Variants in ADAMTS12 observed in about 807,000 individuals in gnomAD.
ADAMTS12 encodes A disintegrin and metalloproteinase with thrombospondin motifs 12.
In ADAMTS12, 118 loss-of-function variants were observed where a neutral mutation model predicts 167.8. That is an observed-to-expected ratio of 0.70 (90% CI 0.61 to 0.82). The LOEUF (loss-of-function observed/expected upper bound fraction) is 0.82, where lower values mean the gene tolerates loss of function less well. Ranked by LOEUF, ADAMTS12 falls within the 40% of genes least tolerant of loss-of-function variation. ADAMTS12 has a pLI of 0.00. For missense variants in ADAMTS12, 1,916 were observed against 1,998.8 expected, an observed-to-expected ratio of 0.96 and a Z score of 0.79; for synonymous variants, 704 against 716.9, an observed-to-expected ratio of 0.98 and a Z score of 0.29.
chr5:33,705,004 G>C (rs971425707), intron 3 of ADAMTS12, among the ~76,000 whole-genome samples: 3 of 151,526 alleles, frequency 2.0e-5, no homozygotes, highest in Non-Finnish European at 4.4e-5. Context: ...TGTGAGGTAA[G>C]GGTTCAATTT....
intron 3 of ADAMTS12, among the ~76,000 whole-genome samples, chr5:33,718,456 C>T (rs534834069): frequency 1.3e-5 from 2 of 152,142 alleles, no homozygotes; most frequent in African/African-American, 2.4e-5. Flanking sequence ...GGAATGTGAA[C>T]CCTATTCTGC....
intron 11 of ADAMTS12, among the ~76,000 whole-genome samples, chr5:33,639,487 T>C (rs752489711): frequency 6.6e-6 from 1 of 152,214 alleles, no homozygotes; most frequent in Non-Finnish European, 1.5e-5. Context: ...CGGAAGGGCT[T>C]GTCCTGGAGA....
chr5:33,849,757 T>C (rs1019091580), intron 2 of ADAMTS12, among the ~76,000 whole-genome samples: 12 of 149,892 alleles, frequency 8.0e-5, no homozygotes, highest in African/African-American at 2.9e-4. Flanking sequence ...ATATATAGTA[T>C]CTATATATGT....
chr5:33,858,840 TG>T (rs531719550), intron 2 of ADAMTS12, among the ~76,000 whole-genome samples: 287 of 151,754 alleles, frequency 1.9e-3, no homozygotes, highest in African/African-American at 6.7e-3. Flanking sequence ...GGTTAAACAG[TG>T]AGTGCAGCCC....
chr5:33,528,079 C>T (rs1370340497), intron 23 of ADAMTS12, among the ~76,000 whole-genome samples: 3 of 146,676 alleles, frequency 2.0e-5, no homozygotes, highest in Non-Finnish European at 3.0e-5. Flanking sequence ...AAATATTACT[C>T]AACCAGAAAA....
At chr5:33,801,143 G>A (rs890133485) in intron 2 of ADAMTS12, among the ~76,000 whole-genome samples, 2 of 152,188 alleles carry the variant, frequency 1.3e-5, no homozygotes, top group African/African-American at 4.8e-5. Flanking sequence ...TCCAGAGGGA[G>A]TGCAGTCTTG....
intron 3 of ADAMTS12, among the ~76,000 whole-genome samples, chr5:33,740,355 G>T (rs532406780): frequency 6.6e-6 from 1 of 152,124 alleles, no homozygotes; most frequent in African/African-American, 2.4e-5. Context: ...CTAATCCCGG[G>T]GCCAGCTACA....
At position 33,576,638 on chromosome 5, in the gene ADAMTS12, A is replaced by G. The variant is rs1260831754; in HGVS notation, c.3388T>C (p.Ser1130Pro). 22 of 1,614,226 alleles carry G rather than the reference A, an allele frequency of 1.4e-5. No individual in the cohort carries two copies. The highest frequency in any genetic ancestry group is 1.9e-5 in the Non-Finnish European group (22 of 1,180,038). ...VATTTSGSGL[S>P]SSRNPITWPV... ...CAAGTGATAGGGTTGCGGGAAGATG[A>G]CAAGCCAGAACCACTTGTTGTTGTA... The change falls in exon 19 of 24, where the codon TCA (serine) becomes CCA (proline). Residue 1130 changes from serine (S) to proline (P), a missense_variant. Physicochemically the swap from Ser to Pro is moderately conservative, Grantham distance 74. Coordinates refer to ENST00000504830, the MANE Select transcript of ADAMTS12 (RefSeq NM_030955.4).
At chr5:33,806,868 C>T (rs1189848432) in intron 2 of ADAMTS12, among the ~76,000 whole-genome samples, 3 of 152,204 alleles carry the variant, frequency 2.0e-5, no homozygotes, top group Admixed American at 6.5e-5. Flanking sequence ...CCATCATCCC[C>T]GTGCAGCCGC....
At chr5:33,880,603 T>A (rs182768250) in intron 2 of ADAMTS12, among the ~76,000 whole-genome samples, 31 of 152,354 alleles carry the variant, frequency 2.0e-4, no homozygotes, top group Middle Eastern at 6.8e-3. Flanking sequence ...ACTACTATTA[T>A]CTCCATTTTA....
At chr5:33,735,034 T>A (rs1325548378) in intron 3 of ADAMTS12, among the ~76,000 whole-genome samples, 3 of 152,252 alleles carry the variant, frequency 2.0e-5, no homozygotes, top group East Asian at 1.9e-4. Context: ...AATGCTTTTT[T>A]AAATAATAGT....
intron 2 of ADAMTS12, among the ~76,000 whole-genome samples, chr5:33,856,699 A>T (rs924848112): frequency 1.3e-5 from 2 of 152,204 alleles, no homozygotes; most frequent in Non-Finnish European, 2.9e-5. Context: ...CAAAACCACT[A>T]GATATAGCCC....
intron 2 of ADAMTS12, among the ~76,000 whole-genome samples, chr5:33,805,461 A>T (rs1747188121): frequency 6.6e-6 from 1 of 152,164 alleles, no homozygotes; most frequent in Non-Finnish European, 1.5e-5. Context: ...TGTATAGGGC[A>T]CCTGAGGCTT....
intron 3 of ADAMTS12, among the ~76,000 whole-genome samples, chr5:33,708,884 A>G (rs767240110): frequency 1.2e-4 from 19 of 152,150 alleles, no homozygotes; most frequent in Admixed American, 6.6e-4. Context: ...ACCATGGCAC[A>G]TGTATACCTA....
intron 3 of ADAMTS12, 33 bp from the exon 4 acceptor site, chr5:33,684,088 CTGTAT>C: frequency 7.3e-7 from 1 of 1,375,810 alleles, no homozygotes; most frequent in Non-Finnish European, 9.5e-7. Context: ...TGGTCTAACA[CTGTAT>C]ATGTCTCATA....
chr5:33,603,976 G>A (rs187986548), intron 16 of ADAMTS12, among the ~76,000 whole-genome samples: 2 of 152,276 alleles, frequency 1.3e-5, no homozygotes, highest in East Asian at 3.9e-4. Context: ...CCTTGTTAGT[G>A]TCTTACTACC....
At chr5:33,710,147 A>G (rs1167753174) in intron 3 of ADAMTS12, among the ~76,000 whole-genome samples, 2 of 152,212 alleles carry the variant, frequency 1.3e-5, no homozygotes, top group Non-Finnish European at 2.9e-5. Context: ...GTGTTGTGTT[A>G]TATGGGAGGA....
intron 2 of ADAMTS12, among the ~76,000 whole-genome samples, chr5:33,847,579 C>T (rs1043957213): frequency 1.3e-5 from 2 of 151,518 alleles, no homozygotes; most frequent in Non-Finnish European, 2.9e-5. Flanking sequence ...GCCGAGATCG[C>T]GCCATTGCAC....
At chr5:33,613,576 C>G (rs1011102945) in intron 16 of ADAMTS12, among the ~76,000 whole-genome samples, 9 of 152,152 alleles carry the variant, frequency 5.9e-5, no homozygotes, top group African/African-American at 2.2e-4. Context: ...AGCTGGAAGC[C>G]ATGTGTTTTG....
Sources: gnomAD v4.1 joint callset for allele counts (sites outside exome capture counted in the v4.1 genomes callset) on GRCh38, gnomAD v4.1.1 for gene constraint, MANE v1.5 for transcripts, NCBI Gene and HGNC (gene_info 2026-07-23, HGNC 2026-07-21) for gene names.